Variants in FER observed in about 807,000 individuals in gnomAD.
FER encodes the protein tyrosine-protein kinase Fer.
A neutral mutation model predicts 111.0 loss-of-function variants in FER; 63 were observed. That is an observed-to-expected ratio of 0.57 (90% confidence interval 0.46 to 0.70). FER has a LOEUF of 0.70. Ranked by LOEUF, FER falls within the 30% of genes least tolerant of loss-of-function variation. The pLI is 0.00. For missense variants in FER, 914 were observed against 954.0 expected (o/e 0.96, Z 0.55); for synonymous variants, 327 against 313.9 (o/e 1.04, Z -0.44).
At chr5:108,852,708 A>G (rs940770104) in intron 5 of FER, among the ~76,000 whole-genome samples, 1 of 152,112 alleles carries the variant, frequency 6.6e-6, no homozygotes, top group Admixed American at 6.5e-5. Context: ...TTAGTGATTA[A>G]TATATATCAG....
intron 10 of FER, among the ~76,000 whole-genome samples, chr5:108,920,421 G>T (rs962386315): frequency 3.3e-5 from 5 of 152,100 alleles, no homozygotes; most frequent in Non-Finnish European, 7.4e-5. Flanking sequence ...TATAAAGATT[G>T]TCTTCAAATT....
In FER at chr5:109,194,095, TA is replaced by T. The variant is rs1025833440; in HGVS notation, c.*6522del. On this transcript the variant is annotated 3_prime_UTR_variant, in exon 20 of 20. Coordinates refer to ENST00000281092, the MANE Select transcript of FER (RefSeq NM_005246.4). ...GAGGCAGCCTATTGACTTGACCAAG[TA>T]AGCTGATCAGGTGGCCTCCTCTACC... is the stretch of plus-strand genomic sequence containing the variant. The T allele has an allele frequency of 2.0e-5, 3 of 152,216 alleles. No homozygotes were observed. Among genetic ancestry groups the T allele is most frequent in the African/African-American group, 7.2e-5 (3 of 41,460 alleles). The allele number at this position is 152,216 out of a possible 1,614,324, so 9.4% of individuals were successfully genotyped here.
chr5:109,010,624 A>G (rs1278260274), intron 13 of FER, among the ~76,000 whole-genome samples: 2 of 152,086 alleles, frequency 1.3e-5, no homozygotes, highest in Admixed American at 6.5e-5. Flanking sequence ...CTCACCCCAC[A>G]TCTTCTCTTC....
At chr5:108,758,374 T>C (rs1415386144) in intron 1 of FER, among the ~76,000 whole-genome samples, 2 of 152,242 alleles carry the variant, frequency 1.3e-5, no homozygotes, top group Non-Finnish European at 2.9e-5. Flanking sequence ...CTTATAACTT[T>C]GGGATTTTTC....
chr5:109,092,925 C>T (rs1260266048), intron 16 of FER, among the ~76,000 whole-genome samples: 2 of 152,086 alleles, frequency 1.3e-5, no homozygotes, highest in African/African-American at 2.4e-5. Flanking sequence ...ATTATTCAGC[C>T]TTAAAGAAGA....
chr5:108,914,570 T>C (rs2150365409), intron 10 of FER, among the ~76,000 whole-genome samples: 1 of 152,334 alleles, frequency 6.6e-6, no homozygotes, highest in South Asian at 2.1e-4. Context: ...GAATGCCTCT[T>C]GGAGAAGTAG....
intron 10 of FER, among the ~76,000 whole-genome samples, chr5:108,918,145 A>G (rs1190629710): frequency 6.6e-6 from 1 of 152,186 alleles, no homozygotes; most frequent in Non-Finnish European, 1.5e-5. Context: ...CCAAAATGAA[A>G]AGGGAGATAA....
rs529376321 is a variant in FER, at chr5:109,187,822, T to TGCAAATAGAAAA, written c.*251_*262dup. ...TAGCAATCCTACCATTTCAGGCCAT[T>TGCAAATAGAAAA]GCAAATAGAAAAGCACAGGCTTCTA... is the stretch of plus-strand genomic sequence containing the variant. On this transcript the variant is annotated 3_prime_UTR_variant, in exon 20 of 20. Transcript: ENST00000281092. 8.5e-5 allele frequency: 42 copies of TGCAAATAGAAAA among 496,978 alleles called. No individual in the cohort carries two copies. In the South Asian group the frequency reaches 9.3e-4, roughly 11 times the overall value. 30.8% of individuals were successfully genotyped at this position (496,978 alleles called of 1,614,324 possible). A position where few individuals can be genotyped will look rare whatever the true frequency, so the allele number is the denominator to read the frequency against.
At chr5:109,079,291 T>C (rs954675390) in intron 16 of FER, among the ~76,000 whole-genome samples, 18 of 151,852 alleles carry the variant, frequency 1.2e-4, no homozygotes, top group Admixed American at 5.3e-4. Context: ...AAACTGTCCA[T>C]GAAGGTGGAG....
chr5:108,893,907 G>A lies in FER; in HGVS notation c.1047-3752G>A, dbSNP rs114754896. Among the ~76,000 whole-genome samples, 494 of 151,432 alleles carry A rather than the reference G, an allele frequency of 3.3e-3. 6 individuals carry two copies. Among genetic ancestry groups the A allele is most frequent in the African/African-American group, 0.011 (453 of 41,246 alleles). On this transcript the variant is annotated intron_variant, in intron 9 of 19. Transcript: ENST00000281092. ...ATAAAACTGGTAGGGGGCTGTATTA[G>A]TCTGTTTTCACACTGCTAATAAAGA...
intron 13 of FER, among the ~76,000 whole-genome samples, chr5:108,966,478 C>T (rs1319103928): frequency 6.6e-6 from 1 of 150,880 alleles, no homozygotes; most frequent in Non-Finnish European, 1.5e-5. Flanking sequence ...ACCTCCACCT[C>T]CTGGGTTCAA....
chr5:108,887,722 A>T (rs911378243), intron 9 of FER, among the ~76,000 whole-genome samples: 1 of 151,796 alleles, frequency 6.6e-6, no homozygotes, highest in Non-Finnish European at 1.5e-5. Flanking sequence ...TCAGTCTAGT[A>T]TATATACCTT....
intron 14 of FER, among the ~76,000 whole-genome samples, chr5:109,042,832 A>G (rs1043116450): frequency 6.6e-6 from 1 of 152,176 alleles, no homozygotes; most frequent in African/African-American, 2.4e-5. Flanking sequence ...AGGGATCACT[A>G]TGTATTTGAG....
chr5:108,992,865 C>T (rs1189495409), intron 13 of FER, among the ~76,000 whole-genome samples: 13 of 123,016 alleles, frequency 1.1e-4, no homozygotes, highest in Admixed American at 2.4e-4. Flanking sequence ...CAGACGGGGT[C>T]GCGGCCAGGC....
chr5:108,754,228 T>C (rs1750815811), intron 1 of FER, among the ~76,000 whole-genome samples: 1 of 151,818 alleles, frequency 6.6e-6, no homozygotes, highest in African/African-American at 2.4e-5. Context: ...CTGGGTAACA[T>C]AACGAGACGG....
chr5:109,057,860 T>C (rs188133823), intron 16 of FER, among the ~76,000 whole-genome samples: 201 of 152,328 alleles, frequency 1.3e-3, no homozygotes, highest in Non-Finnish European at 2.3e-3. Context: ...TGAAGAATAT[T>C]TCTAAACTCA....
At chr5:109,163,680 C>A (rs187328844) in intron 17 of FER, among the ~76,000 whole-genome samples, 3 of 152,148 alleles carry the variant, frequency 2.0e-5, no homozygotes, top group African/African-American at 4.8e-5. Context: ...CTCCTGCGCT[C>A]GATCCTCCTG....
At chr5:108,939,998 G>T (rs1756040923) in intron 10 of FER, among the ~76,000 whole-genome samples, 1 of 152,018 alleles carries the variant, frequency 6.6e-6, no homozygotes, top group Non-Finnish European at 1.5e-5. Context: ...TTGCGTCCTT[G>T]TGAGGTCCTC....
chr5:108,863,463 A>C (rs1763732399), intron 5 of FER, among the ~76,000 whole-genome samples: 1 of 152,202 alleles, frequency 6.6e-6, no homozygotes, highest in Admixed American at 6.5e-5. Flanking sequence ...ATATTCTGTA[A>C]GAAGAATGCT....
Sources: gnomAD v4.1 joint callset for allele counts (sites outside exome capture counted in the v4.1 genomes callset) on GRCh38, gnomAD v4.1.1 for gene constraint, MANE v1.5 for transcripts, NCBI Gene and HGNC (gene_info 2026-07-23, HGNC 2026-07-21) for gene names.